The following DNAH6 variants were observed in gnomAD, a reference collection of about 807,000 sequenced individuals.
DNAH6 encodes the protein axonemal beta dynein heavy chain 6.
DNAH6 carries 340 observed loss-of-function variants against 491.4 expected under a neutral mutation model. The ratio of observed to expected loss-of-function variants is 0.69; its 90% confidence interval spans 0.63 to 0.76. DNAH6 has a LOEUF of 0.76. Among genes scored for constraint, DNAH6 ranks in the 30% least tolerant of loss-of-function variants. The pLI is 0.00. For synonymous variants in DNAH6, 1,603 were observed against 1,686.1 expected, an observed-to-expected ratio of 0.95 and a Z score of 1.21; for missense variants, 4,443 against 4,972.2, an observed-to-expected ratio of 0.89 and a Z score of 3.20.
At chr2:84,588,988 T>C (rs556214817) in intron 16 of DNAH6, 34 bp downstream of exon 16, 5 of 1,524,598 alleles carry the variant, frequency 3.3e-6, no homozygotes, top group Middle Eastern at 3.4e-4. Context: ...GTCTTAGAAA[T>C]GTGTGTATAG....
intron 48 of DNAH6, 57 bp downstream of exon 48, chr2:84,699,791 G>A: frequency 6.6e-7 from 1 of 1,517,068 alleles, no homozygotes; most frequent in African/African-American, 1.4e-5. Flanking sequence ...ACTTTAAAGG[G>A]GTAACACATT....
At chr2:84,571,440 C>T (rs1054289286) in intron 11 of DNAH6, among the ~76,000 whole-genome samples, 1 of 152,154 alleles carries the variant, frequency 6.6e-6, no homozygotes, top group Non-Finnish European at 1.5e-5. Context: ...ACAACAAATG[C>T]CTTGTGAGAT....
At chr2:84,608,575 T>G (rs1686003571) in intron 21 of DNAH6, among the ~76,000 whole-genome samples, 1 of 152,166 alleles carries the variant, frequency 6.6e-6, no homozygotes, top group African/African-American at 2.4e-5. Context: ...AAGCCTTTTC[T>G]TCTAAGCAGT....
Position 84,633,191 on chromosome 2 carries a change from C to T in DNAH6, c.4516-1313C>T, listed in dbSNP as rs141441576. Among the ~76,000 whole-genome samples, 239 of 152,260 alleles carry T rather than the reference C, an allele frequency of 1.6e-3. 2 individuals carry two copies. The highest frequency in any genetic ancestry group is 5.5e-3 in the African/African-American group (228 of 41,562). On this transcript the variant is annotated intron_variant, in intron 29 of 76. Transcript: ENST00000389394. ...AGTACATTTCAGTGGGTTTCACTTTCTTTTATTATTTTTGAATCTCGGCGA... is the reference window on the plus strand; with the variant it reads ...AGTACATTTCAGTGGGTTTCACTTTTTTTTATTATTTTTGAATCTCGGCGA...
intron 68 of DNAH6, 88 bp downstream of exon 68, chr2:84,787,390 C>A: frequency 9.8e-7 from 1 of 1,018,376 alleles, no homozygotes; most frequent in Non-Finnish European, 1.4e-6. Flanking sequence ...AGATGGTGTC[C>A]TCCCCCAGTG....
Position 84,819,430 on chromosome 2 carries a change from A to G in DNAH6, c.*22A>G. ...ATGAAAAGGTGCCACCTCAGCCCTGAAAAAGAACCAGGCCAGAGATCTTTC... is the reference window on the plus strand; with the variant it reads ...ATGAAAAGGTGCCACCTCAGCCCTGGAAAAGAACCAGGCCAGAGATCTTTC... On this transcript the variant is annotated 3_prime_UTR_variant, in exon 77 of 77. Transcript: ENST00000389394. 1.3e-6 allele frequency: 2 copies of G among 1,491,630 alleles called. No homozygotes were observed. Among genetic ancestry groups the G allele is most frequent in the Non-Finnish European group, 1.8e-6 (2 of 1,097,136 alleles). 92.4% of individuals were successfully genotyped at this position (1,491,630 alleles called of 1,614,324 possible). A position where few individuals can be genotyped will look rare whatever the true frequency, so the allele number is the denominator to read the frequency against.
intron 21 of DNAH6, 22 bp downstream of exon 21, chr2:84,607,117 TCATA>T (rs1685845847): frequency 6.5e-7 from 1 of 1,546,048 alleles, no homozygotes; most frequent in Non-Finnish European, 8.8e-7. Context: ...TAATTTTGAT[TCATA>T]CACTCAGAGA....
the DNAH6 span, among the ~76,000 whole-genome samples, chr2:84,506,412 GTTGT>G: frequency 2.0e-5 from 3 of 152,122 alleles, no homozygotes; most frequent in Admixed American, 1.3e-4. Context: ...TTTTGATGGG[GTTGT>G]TTGTTTTTTT....
At chr2:84,635,005 A>G (rs1688736662) in intron 30 of DNAH6, among the ~76,000 whole-genome samples, 1 of 152,040 alleles carries the variant, frequency 6.6e-6, no homozygotes, top group African/African-American at 2.4e-5. Flanking sequence ...GCCTCTACAA[A>G]CCAAAACAGC....
At chr2:84,729,624 A>G (rs1007593597) in intron 61 of DNAH6, among the ~76,000 whole-genome samples, 3 of 152,216 alleles carry the variant, frequency 2.0e-5, no homozygotes, top group African/African-American at 7.2e-5. Context: ...CATGAACAGC[A>G]TATCTTGAAA....
chr2:84,553,213 A>G (rs190534806), intron 10 of DNAH6, among the ~76,000 whole-genome samples, 179 bp downstream of exon 10: 97 of 152,378 alleles, frequency 6.4e-4, no homozygotes, highest in South Asian at 1.7e-3. Flanking sequence ...CTAAAAGTTT[A>G]GCACATTATC....
chr2:84,499,954 G>T, the DNAH6 span, among the ~76,000 whole-genome samples: 1 of 150,548 alleles, frequency 6.6e-6, no homozygotes, highest in Non-Finnish European at 1.5e-5. Flanking sequence ...CTTGTCAAAT[G>T]GGTAGTTTGC....
intron 76 of DNAH6, among the ~76,000 whole-genome samples, chr2:84,817,672 G>C (rs890041028): frequency 6.6e-6 from 1 of 152,208 alleles, no homozygotes; most frequent in Non-Finnish European, 1.5e-5. Context: ...CTGAGGCTGA[G>C]TAACTTTAAA....
chr2:84,601,460 T>A (rs4832102), intron 18 of DNAH6, among the ~76,000 whole-genome samples: 6,170 of 151,918 alleles, frequency 0.041, 410 homozygotes, highest in African/African-American at 0.14. Flanking sequence ...TCATCATTAT[T>A]AATTTTCTCT....
chr2:84,796,347 C>T lies in DNAH6; in HGVS notation c.11281C>T (p.Gln3761Ter). 1 of 1,526,860 alleles carries T rather than the reference C, an allele frequency of 6.5e-7. No homozygotes were observed. The highest frequency in any genetic ancestry group is 8.8e-7 in the Non-Finnish European group (1 of 1,131,408). 94.6% of individuals were successfully genotyped at this position (1,526,860 alleles called of 1,614,324 possible). The part of the protein sequence containing the change: ...YGGRVTDSWD[Q>*]RCLRTILKRF... ...TGGTAGAGTCACAGACAGCTGGGAC[C>T]AAAGATGCCTTCGTACTATCTTGAA... The change falls in exon 69 of 77, where the codon CAA (glutamine) becomes TAA (stop). Residue 3761 changes from glutamine to a stop codon, truncating the protein, a stop_gained. Transcript: ENST00000389394. LOFTEE classifies it high-confidence loss of function.
intron 29 of DNAH6, among the ~76,000 whole-genome samples, chr2:84,630,025 T>C (rs537858801): frequency 2.0e-5 from 3 of 152,286 alleles, no homozygotes; most frequent in South Asian, 4.1e-4. Context: ...AACTCATTGA[T>C]TACCTTAGAG....
chr2:84,657,281 T>C (rs1427300173), intron 35 of DNAH6, among the ~76,000 whole-genome samples: 1 of 152,034 alleles, frequency 6.6e-6, no homozygotes, highest in Non-Finnish European at 1.5e-5. Flanking sequence ...TTCAACTTTG[T>C]TCTTTTTTGT....
chr2:84,640,568 G>C lies in DNAH6; in HGVS notation c.4960G>C (p.Val1654Leu), dbSNP rs1178787475. The change falls in exon 32 of 77, where the codon GTC becomes CTC. Residue 1654 changes from valine to leucine, a missense_variant. This residue lies in a region of DNAH6 where 2,977 missense variants were observed against 3,296.6 expected (regional missense o/e 0.90). Coordinates refer to ENST00000389394, the MANE Select transcript of DNAH6 (RefSeq NM_001370.2). ...FGMRAVKSVLVMAGSLKRENP... is the reference protein window; with the variant it reads ...FGMRAVKSVLLMAGSLKRENP... The stretch of plus-strand genomic sequence containing the variant: ...CATGAGAGCTGTGAAGTCTGTCCTG[G>C]TCATGGCTGGGTAAGAAACCAAAGT... 1.9e-6 allele frequency: 3 copies of C among 1,546,006 alleles called. No individual in the cohort carries two copies. The highest frequency in any genetic ancestry group is 2.6e-6 in the Non-Finnish European group (3 of 1,145,120).
intron 45 of DNAH6, among the ~76,000 whole-genome samples, chr2:84,691,767 T>G (rs1236993586): frequency 1.3e-5 from 2 of 152,212 alleles, no homozygotes; most frequent in Non-Finnish European, 2.9e-5. Context: ...TATCATGAAA[T>G]ATTACTCTTT....
Sources: gnomAD v4.1 joint callset for allele counts (sites outside exome capture counted in the v4.1 genomes callset) on GRCh38, gnomAD v4.1.1 for gene constraint, gnomAD v4.1.1 regional missense constraint, MANE v1.5 for transcripts, NCBI Gene and HGNC (gene_info 2026-07-23, HGNC 2026-07-21) for gene names.